TMEM117: variants seen among roughly 807,000 people sequenced by gnomAD.
TMEM117 encodes the protein transmembrane protein 117.
A neutral mutation model predicts 52.4 loss-of-function variants in TMEM117; 27 were observed. That is an observed-to-expected ratio of 0.51 (90% CI 0.38 to 0.71). TMEM117 has a LOEUF of 0.71. Among genes scored for constraint, TMEM117 ranks in the 30% least tolerant of loss-of-function variants. The pLI is 0.00. For missense variants in TMEM117, 556 were observed against 630.5 expected (o/e 0.88, Z 1.26); for synonymous variants, 215 against 206.3 (o/e 1.04, Z -0.36).
At chr12:44,296,691 TC>T (rs1460068468) in intron 5 of TMEM117, among the ~76,000 whole-genome samples, 1 of 152,144 alleles carries the variant, frequency 6.6e-6, no homozygotes, top group African/African-American at 2.4e-5. Flanking sequence ...TCCTGGCAGG[TC>T]CCTGTGTGGG....
At chr12:43,916,691 T>C (rs1010516540) in intron 2 of TMEM117, among the ~76,000 whole-genome samples, 2 of 152,148 alleles carry the variant, frequency 1.3e-5, no homozygotes, top group Non-Finnish European at 2.9e-5. Flanking sequence ...GTTGCTGGAG[T>C]ATGAAACTGA....
intron 3 of TMEM117, among the ~76,000 whole-genome samples, chr12:44,093,260 T>C (rs552281321): frequency 6.6e-6 from 1 of 152,278 alleles, no homozygotes; most frequent in Admixed American, 6.5e-5. Context: ...AAATTATATA[T>C]TCACAGCTCC....
intron 2 of TMEM117, among the ~76,000 whole-genome samples, chr12:43,894,919 C>G (rs1944172581): frequency 6.6e-6 from 1 of 152,010 alleles, no homozygotes; most frequent in Non-Finnish European, 1.5e-5. Context: ...AAAACTAACT[C>G]AGTTGAACAC....
intron 4 of TMEM117, among the ~76,000 whole-genome samples, chr12:44,145,351 TAGA>T (rs1421395913): frequency 3.3e-5 from 5 of 152,106 alleles, no homozygotes; most frequent in Non-Finnish European, 7.4e-5. Flanking sequence ...AAAAGATAAC[TAGA>T]TTAAGAGTCC....
chr12:43,979,369 A>G, intron 3 of TMEM117, among the ~76,000 whole-genome samples: 1 of 152,132 alleles, frequency 6.6e-6, no homozygotes, highest in East Asian at 1.9e-4. Context: ...AAAATGAATA[A>G]TCTTGCAATT....
At chr12:44,397,585 TG>T in the TMEM117 span, among the ~76,000 whole-genome samples, 1 of 152,246 alleles carries the variant, frequency 6.6e-6, no homozygotes, top group South Asian at 2.1e-4. Flanking sequence ...CTTTTATAAC[TG>T]GTATCTCAGA....
In TMEM117 at chr12:44,089,634, C is replaced by T. The variant is rs185275710; in HGVS notation, c.411-53891C>T. Among the ~76,000 whole-genome samples, 16 of 152,286 alleles carry T rather than the reference C, an allele frequency of 1.1e-4. No homozygotes were observed. The East Asian group carries it at 2.7e-3, about 26-fold the overall frequency. ...CGTAAGAGAGTCACATGAGAATACA[C>T]TTATCATGAATCTATAATTCTCCTG... On this transcript the variant is annotated intron_variant, in intron 3 of 7. Transcript: ENST00000266534.
At chr12:44,079,212 C>G (rs184967576) in intron 3 of TMEM117, among the ~76,000 whole-genome samples, 1 of 152,060 alleles carries the variant, frequency 6.6e-6, no homozygotes, top group East Asian at 1.9e-4. Flanking sequence ...ATTTATAATC[C>G]TTTGGGTATA....
chr12:43,963,864 T>C (rs534445343), intron 3 of TMEM117, among the ~76,000 whole-genome samples: 1 of 152,222 alleles, frequency 6.6e-6, no homozygotes, highest in Admixed American at 6.5e-5. Context: ...TCCTCCAGCC[T>C]CCCAAATTTT....
intron 4 of TMEM117, among the ~76,000 whole-genome samples, chr12:44,146,690 TA>T (rs1313584908): frequency 5.9e-5 from 9 of 152,138 alleles, no homozygotes; most frequent in Non-Finnish European, 1.0e-4. Context: ...TGATAACATT[TA>T]AAAAAATAAT....
At chr12:43,872,382 C>T (rs1170016121) in intron 2 of TMEM117, among the ~76,000 whole-genome samples, 2 of 152,282 alleles carry the variant, frequency 1.3e-5, no homozygotes, top group South Asian at 2.1e-4. Context: ...GTACCTCTAA[C>T]TACAGAAAAG....
Position 44,110,276 on chromosome 12 carries a change from C to G in TMEM117, c.411-33249C>G, listed in dbSNP as rs201074729. Among the ~76,000 whole-genome samples, 15 of 150,132 alleles carry G rather than the reference C, an allele frequency of 1.0e-4. No individual in the cohort carries two copies. In the East Asian group the frequency reaches 3.0e-3, roughly 30 times the overall value. ...AGGAGCAGTGAGAGGGCATCCCTGT[C>G]TTGTGCCAGTTTTCAAAGGGAATGC... On this transcript the variant is annotated intron_variant, in intron 3 of 7. Coordinates refer to ENST00000266534, the MANE Select transcript of TMEM117 (RefSeq NM_032256.3).
chr12:44,037,229 T>G (rs563388879), intron 3 of TMEM117, among the ~76,000 whole-genome samples: 25 of 152,162 alleles, frequency 1.6e-4, no homozygotes, highest in Non-Finnish European at 3.1e-4. Flanking sequence ...CGTGCTGTCC[T>G]GGAAAACAGC....
intron 3 of TMEM117, among the ~76,000 whole-genome samples, chr12:44,074,714 A>G (rs1487530888): frequency 6.6e-6 from 1 of 152,168 alleles, no homozygotes; most frequent in Non-Finnish European, 1.5e-5. Flanking sequence ...TAAAGCAAAA[A>G]GATGTTTAAT....
At position 43,977,014 on chromosome 12, in the gene TMEM117, A is replaced by G. The variant is rs546591388; in HGVS notation, c.410+32672A>G. Among the ~76,000 whole-genome samples the G allele has an allele frequency of 1.8e-4, 27 of 152,308 alleles. No individual in the cohort carries two copies. In the South Asian group the frequency reaches 3.5e-3, roughly 20 times the overall value. Reference sequence around the variant, plus strand: ...AGGGGTATGTTAACCCCTTTCAGCTAAGCAGTTATGTTATTAGAGACTGCC... The same window carrying G: ...AGGGGTATGTTAACCCCTTTCAGCTGAGCAGTTATGTTATTAGAGACTGCC... On this transcript the variant is annotated intron_variant, in intron 3 of 7. Coordinates refer to ENST00000266534, the MANE Select transcript of TMEM117 (RefSeq NM_032256.3).
rs139480822 is a variant in TMEM117, at chr12:44,041,508, G to A, written c.410+97166G>A. Among the ~76,000 whole-genome samples the A allele has an allele frequency of 3.4e-4, 51 of 151,728 alleles. 2 individuals carry two copies. Among genetic ancestry groups the A allele is most frequent in the African/African-American group, 1.1e-3 (47 of 41,334 alleles). On this transcript the variant is annotated intron_variant, in intron 3 of 7. Transcript: ENST00000266534. ...CCAACTTTTATTTTAGGCTTAGGAG[G>A]TACATATGCAGGTTTGTTACATGGA...
intron 3 of TMEM117, among the ~76,000 whole-genome samples, chr12:43,994,933 A>G (rs906121573): frequency 2.0e-5 from 3 of 152,166 alleles, no homozygotes; most frequent in African/African-American, 7.2e-5. Context: ...GCAATCTTAT[A>G]TGTTAGAAGC....
chr12:44,211,027 T>C (rs1195415951), intron 4 of TMEM117, among the ~76,000 whole-genome samples: 3 of 152,160 alleles, frequency 2.0e-5, no homozygotes, highest in Non-Finnish European at 4.4e-5. Context: ...TACTGTCTTA[T>C]ATCCGGTAAT....
intron 4 of TMEM117, among the ~76,000 whole-genome samples, chr12:44,184,894 A>G (rs1010332122): frequency 6.6e-6 from 1 of 152,192 alleles, no homozygotes; most frequent in Admixed American, 6.5e-5. Flanking sequence ...TCTCAAACAT[A>G]TGTAAGCATA....
Sources: allele counts gnomAD v4.1 joint callset (sites outside exome capture counted in the v4.1 genomes callset), GRCh38; gene constraint gnomAD v4.1.1; transcripts MANE v1.5; gene names NCBI Gene and HGNC (gene_info 2026-07-23, HGNC 2026-07-21).